MCTP1: variants seen among roughly 807,000 people sequenced by gnomAD.
The protein encoded by MCTP1 is multiple C2 and transmembrane domain-containing protein 1.
A neutral mutation model predicts 120.6 loss-of-function variants in MCTP1; 69 were observed. The observed-to-expected ratio is 0.57, with a 90% CI of 0.47 to 0.70. The LOEUF (loss-of-function observed/expected upper bound fraction) is 0.70, where lower values mean the gene tolerates loss of function less well. Ranked by LOEUF, MCTP1 falls within the 30% of genes least tolerant of loss-of-function variation. The pLI, the probability that MCTP1 is intolerant of heterozygous loss-of-function variation, is 0.00. For synonymous variants in MCTP1, 529 were observed against 493.1 expected (o/e 1.07, Z -0.96); for missense variants, 1,203 against 1,248.8 (o/e 0.96, Z 0.55).
At chr5:94,946,476 T>C (rs1436856481) in intron 3 of MCTP1, among the ~76,000 whole-genome samples, 2 of 152,078 alleles carry the variant, frequency 1.3e-5, no homozygotes, top group African/African-American at 4.8e-5. Context: ...TGGGAGCCCA[T>C]AGAAAAGGTA....
chr5:94,729,528 T>C (rs1188496198), intron 19 of MCTP1, among the ~76,000 whole-genome samples: 4 of 152,154 alleles, frequency 2.6e-5, no homozygotes, highest in Non-Finnish European at 4.4e-5. Flanking sequence ...TCTTCCCTTT[T>C]CCCAGTCTCC....
At chr5:94,918,891 G>A (rs1365356246) in intron 7 of MCTP1, among the ~76,000 whole-genome samples, 1 of 152,190 alleles carries the variant, frequency 6.6e-6, no homozygotes, top group Non-Finnish European at 1.5e-5. Flanking sequence ...GCATAGAGAA[G>A]ATAAGTACCC....
chr5:95,195,440 A>T (rs574193129), intron 1 of MCTP1, among the ~76,000 whole-genome samples: 6 of 152,322 alleles, frequency 3.9e-5, no homozygotes, highest in Middle Eastern at 3.4e-3. Context: ...ATGTTCAGCA[A>T]TGGTGGGTAG....
intron 17 of MCTP1, among the ~76,000 whole-genome samples, chr5:94,801,677 G>A (rs1781271250): frequency 6.6e-6 from 1 of 152,134 alleles, no homozygotes; most frequent in African/African-American, 2.4e-5. Flanking sequence ...GTTTTCCCTT[G>A]TAATGTCCAT....
At chr5:95,189,072 G>A (rs1227357921) in intron 1 of MCTP1, among the ~76,000 whole-genome samples, 1 of 152,198 alleles carries the variant, frequency 6.6e-6, no homozygotes, top group South Asian at 2.1e-4. Context: ...AACAGTCCTA[G>A]ACCGGAAATA....
chr5:94,834,435 A>G (rs1789233641), intron 17 of MCTP1, among the ~76,000 whole-genome samples: 1 of 152,342 alleles, frequency 6.6e-6, no homozygotes, highest in Admixed American at 6.5e-5. Flanking sequence ...GATACAAGCC[A>G]CTGTGCATCT....
At chr5:95,094,071 C>A (rs1756046158) in intron 1 of MCTP1, among the ~76,000 whole-genome samples, 1 of 152,164 alleles carries the variant, frequency 6.6e-6, no homozygotes, top group Non-Finnish European at 1.5e-5. Context: ...CTGTGCAGAG[C>A]AGAGATTAGC....
At chr5:94,966,788 C>CT (rs753569422) in intron 2 of MCTP1, among the ~76,000 whole-genome samples, 39 of 150,934 alleles carry the variant, frequency 2.6e-4, no homozygotes, top group Admixed American at 1.2e-3. Flanking sequence ...AAGCGAGACT[C>CT]TGTCTCGAAA....
At chr5:95,257,113 A>G (rs1449298830) in intron 1 of MCTP1, among the ~76,000 whole-genome samples, 1 of 152,220 alleles carries the variant, frequency 6.6e-6, no homozygotes, top group Non-Finnish European at 1.5e-5. Flanking sequence ...ATGTTCTTAC[A>G]TAATTTCAAT....
chr5:94,965,324 C>T (rs914768550), intron 2 of MCTP1, among the ~76,000 whole-genome samples: 1 of 152,152 alleles, frequency 6.6e-6, no homozygotes, highest in Non-Finnish European at 1.5e-5. Flanking sequence ...ACTTCACTCT[C>T]TTTTCCTTAC....
intron 19 of MCTP1, among the ~76,000 whole-genome samples, chr5:94,734,813 G>T (rs540189410): frequency 6.6e-6 from 1 of 152,164 alleles, no homozygotes; most frequent in East Asian, 1.9e-4. Flanking sequence ...ATATTTCCAT[G>T]CTTTTTTTTC....
intron 2 of MCTP1, among the ~76,000 whole-genome samples, chr5:94,977,784 C>G (rs1828454996): frequency 6.6e-6 from 1 of 152,122 alleles, no homozygotes; most frequent in Non-Finnish European, 1.5e-5. Flanking sequence ...GGACTCTTAT[C>G]TTACCCCATA....
chr5:94,710,125 A>G (rs1018489608), intron 21 of MCTP1: 3 of 152,078 alleles, frequency 2.0e-5, no homozygotes, highest in Non-Finnish European at 4.4e-5. Context: ...GATCCTAGAG[A>G]CTGAAAATTG....
intron 19 of MCTP1, among the ~76,000 whole-genome samples, chr5:94,750,550 A>G (rs1768044166): frequency 6.6e-6 from 1 of 152,210 alleles, no homozygotes; most frequent in African/African-American, 2.4e-5. Flanking sequence ...CTCTTCTAGG[A>G]GGAAGCTTTA....
chr5:95,074,790 G>T (rs149293727), intron 1 of MCTP1, among the ~76,000 whole-genome samples: 14 of 152,188 alleles, frequency 9.2e-5, no homozygotes, highest in African/African-American at 3.4e-4. Context: ...TGGCCACAAG[G>T]AAATTAGGTC....
chr5:94,836,678 A>C (rs1789864101), intron 17 of MCTP1, among the ~76,000 whole-genome samples: 1 of 152,232 alleles, frequency 6.6e-6, no homozygotes, highest in African/African-American at 2.4e-5. Context: ...GATTGCCCAT[A>C]GTTTTGTCCT....
intron 1 of MCTP1, among the ~76,000 whole-genome samples, chr5:95,034,990 C>T (rs990823427): frequency 2.4e-4 from 36 of 152,120 alleles, no homozygotes; most frequent in African/African-American, 7.2e-4. Context: ...CACTAATCAT[C>T]AAAGAAATGC....
intron 18 of MCTP1, among the ~76,000 whole-genome samples, chr5:94,783,158 A>T (rs143568083): frequency 6.6e-6 from 1 of 152,238 alleles, no homozygotes; most frequent in Admixed American, 6.5e-5. Context: ...ACTAATAAAG[A>T]TGACATTTAA....
chr5:94,766,660 TTAAAG>T (rs895685938), intron 19 of MCTP1, among the ~76,000 whole-genome samples: 33 of 147,484 alleles, frequency 2.2e-4, no homozygotes, highest in African/African-American at 6.9e-4. Context: ...ACCCTAGAAC[TTAAAG>T]TATAGTTAAA....
Sources: allele counts gnomAD v4.1 joint callset (sites outside exome capture counted in the v4.1 genomes callset), GRCh38; gene constraint gnomAD v4.1.1; transcripts MANE v1.5; gene names NCBI Gene and HGNC (gene_info 2026-07-23, HGNC 2026-07-21).